C1orf159: variants seen among roughly 807,000 people sequenced by gnomAD.
C1orf159 encodes chromosome 1 open reading frame 159.
In C1orf159, 19 loss-of-function variants were observed where a neutral mutation model predicts 25.6. The observed-to-expected ratio is 0.74, with a 90% CI of 0.52 to 1.09. The LOEUF is 1.09. Among genes scored for constraint, C1orf159 ranks in the 50% least tolerant of loss-of-function variants. The probability of loss-of-function intolerance (pLI) is 0.00; values close to 1 mark genes in which losing one functional copy is unlikely to be tolerated. For synonymous variants in C1orf159, 139 were observed against 124.7 expected, an observed-to-expected ratio of 1.12 and a Z score of -0.77; for missense variants, 274 against 290.6, an observed-to-expected ratio of 0.94 and a Z score of 0.42.
chr1:1,100,282 A>G (rs900032902), intron 1 of C1orf159, among the ~76,000 whole-genome samples: 6 of 150,222 alleles, frequency 4.0e-5, no homozygotes, highest in African/African-American at 1.5e-4. Flanking sequence ...TTAATATTTA[A>G]TATAATTACT....
At chr1:1,084,117 G>C (rs777449537) in intron 9 of C1orf159, 4 of 1,570,748 alleles carry the variant, frequency 2.5e-6, no homozygotes, top group South Asian at 2.3e-5. Context: ...TGGAAGTCAC[G>C]GGGATTAAAG....
intron 1 of C1orf159, among the ~76,000 whole-genome samples, chr1:1,100,359 T>C (rs1646083265): frequency 6.6e-6 from 1 of 152,222 alleles, no homozygotes. Flanking sequence ...CGCTGCCCTT[T>C]ATTTTTCAGT....
intron 1 of C1orf159, among the ~76,000 whole-genome samples, chr1:1,107,292 CCG>C (rs897825316): frequency 1.3e-5 from 2 of 152,202 alleles, no homozygotes; most frequent in African/African-American, 4.8e-5. Context: ...AATCAGCACT[CCG>C]TGTCTAGCTC....
chr1:1,112,791 G>A (rs1023264163), intron 1 of C1orf159, among the ~76,000 whole-genome samples: 1 of 152,248 alleles, frequency 6.6e-6, no homozygotes, highest in African/African-American at 2.4e-5. Flanking sequence ...AAGTCAAAAG[G>A]TGAAACCGCA....
chr1:1,088,625 G>T (rs1423915828), intron 4 of C1orf159, among the ~76,000 whole-genome samples: 1 of 151,828 alleles, frequency 6.6e-6, no homozygotes, highest in Non-Finnish European at 1.5e-5. Flanking sequence ...GACAGGAATT[G>T]ACTTTTACTC....
At chr1:1,108,032 C>T (rs1646199746) in intron 1 of C1orf159, among the ~76,000 whole-genome samples, 1 of 152,238 alleles carries the variant, frequency 6.6e-6, no homozygotes, top group African/African-American at 2.4e-5. Context: ...AAGAATCCAC[C>T]AATTCTAGAC....
chr1:1,084,523 GGA>G lies in C1orf159; in HGVS notation c.446-19_446-18del. 1.3e-6 allele frequency: 2 copies of G among 1,551,412 alleles called. No homozygotes were observed. The highest frequency in any genetic ancestry group is 1.7e-6 in the Non-Finnish European group (2 of 1,147,798). ...GGGCCGGAGCTGTGGGGGAGAAAGCGGAGAGTCACCCTGGAGCCCAGGAGCTG... is the reference window on the plus strand; with the variant it reads ...GGGCCGGAGCTGTGGGGGAGAAAGCGGAGTCACCCTGGAGCCCAGGAGCTG... On this transcript the variant is annotated intron_variant, in intron 7 of 9. Transcript: ENST00000421241.
intron 1 of C1orf159, among the ~76,000 whole-genome samples, chr1:1,098,258 A>G (rs1646036784): frequency 6.6e-6 from 1 of 151,918 alleles, no homozygotes. Context: ...TTTAGTAGAG[A>G]TGGGGTTTCA....
At chr1:1,100,008 T>C (rs1427170431) in intron 1 of C1orf159, among the ~76,000 whole-genome samples, 1 of 152,216 alleles carries the variant, frequency 6.6e-6, no homozygotes, top group Non-Finnish European at 1.5e-5. Context: ...TCCCAGCTAT[T>C]CTGGAGACTG....
chr1:1,090,862 G>A (rs1190005200), intron 3 of C1orf159: 65 of 1,546,162 alleles, frequency 4.2e-5, no homozygotes, highest in Non-Finnish European at 5.1e-5. Flanking sequence ...GGTGCGCTGG[G>A]TGCTGGCACT....
At chr1:1,108,560 A>T (rs1646211021) in intron 1 of C1orf159, among the ~76,000 whole-genome samples, 2 of 144,932 alleles carry the variant, frequency 1.4e-5, no homozygotes, top group East Asian at 4.3e-4. Flanking sequence ...CACCACAGCC[A>T]CCATGTCTCG....
At position 1,087,457 on chromosome 1, in the gene C1orf159, G is replaced by T; in HGVS notation, c.244+45C>A. 2.0e-6 allele frequency: 3 copies of T among 1,499,054 alleles called. No homozygotes were observed. The highest frequency in any genetic ancestry group is 2.7e-6 in the Non-Finnish European group (3 of 1,104,316). 92.9% of individuals were successfully genotyped at this position (1,499,054 alleles called of 1,614,324 possible). A position where few individuals can be genotyped will look rare whatever the true frequency, so the allele number is the denominator to read the frequency against. ...AGCAACTCCCACAGTGTCTCCCACAGCTGGAGCTGTGAGAAGGGAGCCGGG... is the reference window on the plus strand; with the variant it reads ...AGCAACTCCCACAGTGTCTCCCACATCTGGAGCTGTGAGAAGGGAGCCGGG... On this transcript the variant is annotated intron_variant, in intron 5 of 9. Transcript: ENST00000421241. This position sits in a 1 kb window ranked among gnomAD's most constrained non-coding sequence, Gnocchi z 8.3.
chr1:1,099,533 C>A (rs1646065363), intron 1 of C1orf159, among the ~76,000 whole-genome samples: 1 of 146,476 alleles, frequency 6.8e-6, no homozygotes. Flanking sequence ...TGTTTTTGGT[C>A]TATTGTTCTA....
rs113211873 is a variant in C1orf159 at position 1,112,421 on chromosome 1, C to A, written c.-136+3639G>T. On this transcript the variant is annotated intron_variant, in intron 1 of 9. Transcript: ENST00000421241. ...CTCCCTCCAGTGAACACAACGCACACGCTCCCTCCCTCCAGTGAACACACA... is the reference window on the plus strand; with the variant it reads ...CTCCCTCCAGTGAACACAACGCACAAGCTCCCTCCCTCCAGTGAACACACA... 4.2e-3 allele frequency among the ~76,000 whole-genome samples: 631 copies of A among 150,880 alleles called. 5 individuals are homozygous for A. Among genetic ancestry groups the A allele is most frequent in the African/African-American group, 0.015 (595 of 40,978 alleles).
rs763307791 is a variant in C1orf159 at position 1,113,913 on chromosome 1, CT to C, written c.-136+2146del. ...AGTTGTGCGCACGCTCCCTCGAGGC[CT>C]TTTTTTTTTTTTTTTTTTTTGAGAT... is the stretch of plus-strand genomic sequence containing the variant. On this transcript the variant is annotated intron_variant, in intron 1 of 9. Coordinates refer to ENST00000421241, the MANE Select transcript of C1orf159 (RefSeq NM_017891.5). 2.1e-3 allele frequency among the ~76,000 whole-genome samples: 251 copies of C among 121,014 alleles called. 1 individual carries two copies. Among genetic ancestry groups the C allele is most frequent in the Middle Eastern group, 5.1e-3 (1 of 196 alleles). The allele number at this position is 121,014 out of a possible 152,430, so 79.4% of individuals were successfully genotyped here.
At chr1:1,085,853 G>A in intron 7 of C1orf159, 25 bp downstream of exon 7, 1 of 1,612,008 alleles carries the variant, frequency 6.2e-7, no homozygotes, top group South Asian at 1.1e-5. Flanking sequence ...CCCTCCCGTG[G>A]GGCAGGTGCT....
intron 9 of C1orf159, 23 bp from the exon 10 acceptor site, chr1:1,083,010 G>A (rs1308837499): frequency 7.7e-6 from 12 of 1,563,986 alleles, no homozygotes; most frequent in Middle Eastern, 1.7e-4. Flanking sequence ...AGAGACAGGC[G>A]AGGTCAGAGT....
chr1:1,082,624 G>T lies in C1orf159; in HGVS notation c.*269C>A. On this transcript the variant is annotated 3_prime_UTR_variant, in exon 10 of 10. Coordinates refer to ENST00000421241, the MANE Select transcript of C1orf159 (RefSeq NM_017891.5). ...CTCACCGTGTTTCCTGGGGGGGCCC[G>T]GACCCCCCAAGGCCTCGATCTGAAG... 2.0e-6 allele frequency: 1 copy of T among 494,546 alleles called. No individual in the cohort carries two copies. The highest frequency in any genetic ancestry group is 3.7e-6 in the Non-Finnish European group (1 of 273,328). 30.6% of individuals were successfully genotyped at this position (494,546 alleles called of 1,614,324 possible).
At position 1,087,661 on chromosome 1, in the gene C1orf159, G is replaced by C; in HGVS notation, c.149-64C>G. ...AATCCACACCAGCTGGGTCTCCTGG[G>C]AATGATTCTCTATTTGAGTTGGTGA... On this transcript the variant is annotated intron_variant, in intron 4 of 9. Coordinates refer to ENST00000421241, the MANE Select transcript of C1orf159 (RefSeq NM_017891.5). This position sits in a 1 kb window ranked among gnomAD's most constrained non-coding sequence, Gnocchi z 8.3. 8.4e-7 allele frequency: 1 copy of C among 1,192,624 alleles called. No individual in the cohort carries two copies. Among genetic ancestry groups the C allele is most frequent in the South Asian group, 1.4e-5 (1 of 73,974 alleles). The allele number at this position is 1,192,624 out of a possible 1,614,324, so 73.9% of individuals were successfully genotyped here. A position where few individuals can be genotyped will look rare whatever the true frequency, so the allele number is the denominator to read the frequency against.
Sources: gnomAD v4.1 joint callset for allele counts (sites outside exome capture counted in the v4.1 genomes callset) on GRCh38, gnomAD v4.1.1 for gene constraint, Gnocchi (gnomAD v3.1) non-coding constraint, MANE v1.5 for transcripts, NCBI Gene and HGNC (gene_info 2026-07-23, HGNC 2026-07-21) for gene names.